Variants in FBXL13 observed in about 807,000 individuals in gnomAD.
FBXL13 encodes F-box and leucine-rich repeat protein 13.
FBXL13 carries 67 observed loss-of-function variants against 83.6 expected under a neutral mutation model. The observed-to-expected ratio is 0.80, with a 90% CI of 0.66 to 0.98. The LOEUF (loss-of-function observed/expected upper bound fraction) is 0.98, where lower values mean the gene tolerates loss of function less well. FBXL13 is among the 50% of genes least tolerant of loss of function. FBXL13 has a pLI of 0.00. For synonymous variants in FBXL13, 272 were observed against 299.5 expected, an observed-to-expected ratio of 0.91 and a Z score of 0.95; for missense variants, 822 against 866.5, an observed-to-expected ratio of 0.95 and a Z score of 0.64.
At chr7:102,980,876 A>C (rs1476700744) in intron 6 of FBXL13, among the ~76,000 whole-genome samples, 1 of 152,082 alleles carries the variant, frequency 6.6e-6, no homozygotes, top group East Asian at 1.9e-4. Flanking sequence ...CACCAAAAGC[A>C]TGAGAAACAA....
At chr7:102,961,522 C>T (rs1464630895) in intron 8 of FBXL13, among the ~76,000 whole-genome samples, 81 of 129,032 alleles carry the variant, frequency 6.3e-4, no homozygotes, top group East Asian at 2.1e-3. Context: ...GAGCCCGCAT[C>T]GCCAAGTCAA....
chr7:102,932,864 G>A (rs1339919240), intron 8 of FBXL13, among the ~76,000 whole-genome samples: 1 of 152,062 alleles, frequency 6.6e-6, no homozygotes, highest in African/African-American at 2.4e-5. Flanking sequence ...CAAAGTGCTG[G>A]GATTACAGGC....
At chr7:102,849,361 C>T (rs1044033879) in intron 17 of FBXL13, among the ~76,000 whole-genome samples, 1 of 152,222 alleles carries the variant, frequency 6.6e-6, no homozygotes, top group Admixed American at 6.5e-5. Flanking sequence ...CAGACACTGA[C>T]TCTGCGTGTG....
chr7:102,975,061 C>T (rs935205681), intron 6 of FBXL13, among the ~76,000 whole-genome samples: 2 of 152,302 alleles, frequency 1.3e-5, no homozygotes, highest in South Asian at 2.1e-4. Context: ...TTCAAACCCT[C>T]AGCAGGAACC....
At chr7:102,939,292 T>C (rs1004689098) in intron 8 of FBXL13, 2 of 663,822 alleles carry the variant, frequency 3.0e-6, no homozygotes, top group Non-Finnish European at 5.0e-6. Context: ...GCTTGTTTCA[T>C]ACTAACTTTC....
At chr7:102,821,612 T>C (rs1489817065) in intron 19 of FBXL13, among the ~76,000 whole-genome samples, 1 of 152,228 alleles carries the variant, frequency 6.6e-6, no homozygotes, top group African/African-American at 2.4e-5. Context: ...AGGATTCTCA[T>C]TTTAAGCATT....
intron 11 of FBXL13, among the ~76,000 whole-genome samples, chr7:102,897,275 G>A (rs1390492411): frequency 2.0e-5 from 3 of 151,954 alleles, no homozygotes; most frequent in East Asian, 1.9e-4. Flanking sequence ...GAAGGGAAAT[G>A]GATCAAGGAC....
At chr7:103,074,663 C>A (rs772515767), upstream of FBXL13, 732 of 1,281,968 alleles carry the variant, frequency 5.7e-4, 1 homozygote, top group Non-Finnish European at 7.0e-4. Context: ...TCCCCACCGA[C>A]GGTCTGTGTC....
chr7:102,894,672 T>C (rs2129461794), intron 11 of FBXL13, among the ~76,000 whole-genome samples: 1 of 149,388 alleles, frequency 6.7e-6, no homozygotes, highest in Non-Finnish European at 1.5e-5. Flanking sequence ...GAGGCTACAG[T>C]GAGCTATGAT....
intron 16 of FBXL13, among the ~76,000 whole-genome samples, chr7:102,862,242 T>C (rs1417026778): frequency 6.6e-6 from 1 of 151,022 alleles, no homozygotes; most frequent in East Asian, 1.9e-4. Flanking sequence ...GGCAGAAGAA[T>C]TGCTTGAACC....
chr7:102,991,038 C>G (rs1829508812), intron 6 of FBXL13, among the ~76,000 whole-genome samples: 1 of 152,054 alleles, frequency 6.6e-6, no homozygotes, highest in Admixed American at 6.6e-5. Context: ...GTCAGGTGGT[C>G]AAAGTCAACA....
At chr7:103,014,750 C>T (rs938484863) in intron 6 of FBXL13, among the ~76,000 whole-genome samples, 32 of 151,526 alleles carry the variant, frequency 2.1e-4, no homozygotes, top group Admixed American at 6.6e-4. Context: ...AGTGAAACCC[C>T]GTCTCTACTA....
chr7:102,937,293 A>G (rs1473233671), intron 8 of FBXL13, among the ~76,000 whole-genome samples: 1 of 151,558 alleles, frequency 6.6e-6, no homozygotes, highest in Non-Finnish European at 1.5e-5. Flanking sequence ...TGAGGTCAGG[A>G]GTTCAAAACC....
chr7:102,953,397 T>G (rs1585109029), intron 8 of FBXL13, among the ~76,000 whole-genome samples: 1 of 151,668 alleles, frequency 6.6e-6, no homozygotes, highest in African/African-American at 2.4e-5. Flanking sequence ...GCAATAATAA[T>G]AGAAGGAAAG....
At chr7:102,896,818 A>G (rs1812307406) in intron 11 of FBXL13, among the ~76,000 whole-genome samples, 1 of 152,198 alleles carries the variant, frequency 6.6e-6, no homozygotes, top group African/African-American at 2.4e-5. Flanking sequence ...CCCTATTTCC[A>G]AATAAGGTCA....
At chr7:102,827,944 C>A (rs1356045578) in intron 18 of FBXL13, among the ~76,000 whole-genome samples, 3 of 152,064 alleles carry the variant, frequency 2.0e-5, no homozygotes, top group Non-Finnish European at 2.9e-5. Context: ...TGGTCTATAT[C>A]TCTGTTTTGG....
chr7:102,977,740 C>T (rs1827670295), intron 6 of FBXL13, among the ~76,000 whole-genome samples: 1 of 152,204 alleles, frequency 6.6e-6, no homozygotes, highest in South Asian at 2.1e-4. Context: ...AAATGTGGCA[C>T]ATATGCACCA....
At chr7:103,028,530 TTAAC>T (rs1360431151) in intron 4 of FBXL13, 66 bp downstream of exon 5, 1 of 1,150,956 alleles carries the variant, frequency 8.7e-7, no homozygotes, top group Non-Finnish European at 1.2e-6. Flanking sequence ...CAAAGTATGC[TTAAC>T]TGTTAGTTTT....
At chr7:102,973,848 C>T (rs1827086044) in intron 6 of FBXL13, 1 of 702,168 alleles carries the variant, frequency 1.4e-6, no homozygotes, top group East Asian at 2.7e-5. Flanking sequence ...GAAAATCCAA[C>T]ATTGGTCCAA....
Sources: gnomAD v4.1 joint callset for allele counts (sites outside exome capture counted in the v4.1 genomes callset) on GRCh38, gnomAD v4.1.1 for gene constraint, MANE v1.5 for transcripts, NCBI Gene and HGNC (gene_info 2026-07-23, HGNC 2026-07-21) for gene names.